Variants in ZC4H2 observed in about 807,000 individuals in gnomAD.
ZC4H2 encodes zinc finger C4H2 domain-containing protein.
For synonymous variants in ZC4H2, 84 were observed against 66.3 expected, an observed-to-expected ratio of 1.27 and a Z score of -1.30; for missense variants, 137 against 173.9, an observed-to-expected ratio of 0.79 and a Z score of 1.19.
At chrX:64,967,497 T>C (rs1931632616) in intron 1 of ZC4H2, among the ~76,000 whole-genome samples, 1 of 112,125 alleles carries the variant, frequency 8.9e-6, no homozygotes, top group African/African-American at 3.2e-5. Context: ...ATAAAATAAC[T>C]GATTGAGATC....
intron 1 of ZC4H2, among the ~76,000 whole-genome samples, chrX:64,969,002 C>A (rs970639242): frequency 9.0e-6 from 1 of 110,989 alleles, no homozygotes; most frequent in East Asian, 2.8e-4. Context: ...CACAGAAGTA[C>A]AAAAAAGGGT....
Position 64,994,179 on chromosome X carries a change from C to T in ZC4H2, c.-272+40450G>A, listed in dbSNP as rs564073573. Reference sequence around the variant, plus strand: ...TTGAGTGATTAGTATAGCCTAGGCACTGTTAAACCTTTACAGGTATTATTA... The same window carrying T: ...TTGAGTGATTAGTATAGCCTAGGCATTGTTAAACCTTTACAGGTATTATTA... On this transcript the variant is annotated intron_variant, in intron 1 of 4. Transcript: ENST00000337990. Among the ~76,000 whole-genome samples, 5 of 111,965 alleles carry T rather than the reference C, an allele frequency of 4.5e-5. No homozygotes were observed. In the South Asian group the frequency reaches 1.9e-3, roughly 42 times the overall value.
chrX:64,996,804 C>G (rs973193025), intron 1 of ZC4H2, among the ~76,000 whole-genome samples: 5 of 110,746 alleles, frequency 4.5e-5, no homozygotes, highest in Non-Finnish European at 9.4e-5. Flanking sequence ...GAACCACAAA[C>G]AGAAGATAAT....
intron 1 of ZC4H2, among the ~76,000 whole-genome samples, chrX:65,010,914 A>G (rs750467092): frequency 3.6e-4 from 40 of 112,131 alleles, no homozygotes; most frequent in Admixed American, 3.3e-3. Context: ...TCAATTATTG[A>G]AAGTAGTATT....
chrX:64,950,607 C>T (rs1356027835), intron 1 of ZC4H2, among the ~76,000 whole-genome samples: 1 of 110,219 alleles, frequency 9.1e-6, no homozygotes, highest in Admixed American at 9.7e-5. Flanking sequence ...ATGAAATGAC[C>T]TTCTTTGTCT....
At chrX:64,954,257 G>A (rs924420910) in intron 1 of ZC4H2, among the ~76,000 whole-genome samples, 2 of 94,389 alleles carry the variant, frequency 2.1e-5, no homozygotes, top group Non-Finnish European at 4.1e-5. Flanking sequence ...TACGTGGCAC[G>A]TGTATACATA....
At chrX:64,983,705 TATATC>T (rs1410087838) in intron 1 of ZC4H2, among the ~76,000 whole-genome samples, 2 of 112,067 alleles carry the variant, frequency 1.8e-5, no homozygotes, top group Non-Finnish European at 3.8e-5. Flanking sequence ...TATCTCAACT[TATATC>T]ATAAACTAGA....
intron 3 of ZC4H2, 34 bp from the exon 4 acceptor site, chrX:64,919,238 T>C (rs1306384458): frequency 8.3e-7 from 1 of 1,199,197 alleles, no homozygotes; most frequent in Non-Finnish European, 1.1e-6. Context: ...TAGATCATTC[T>C]GAAAGCAATG....
At chrX:64,933,733 G>A (rs187572036) in intron 1 of ZC4H2, among the ~76,000 whole-genome samples, 122 of 110,558 alleles carry the variant, frequency 1.1e-3, no homozygotes, top group African/African-American at 3.9e-3. Flanking sequence ...GGTCAGAATG[G>A]CAGGGATCTC....
At chrX:64,918,595 G>A (rs765994895) in intron 4 of ZC4H2, 1 of 115,694 alleles carries the variant, frequency 8.6e-6, no homozygotes, top group South Asian at 3.6e-4. Context: ...TAACTATAAA[G>A]TTACAGTTTT....
intron 1 of ZC4H2, among the ~76,000 whole-genome samples, chrX:65,022,662 CAGAA>C (rs1363481295): frequency 9.0e-6 from 1 of 111,680 alleles, no homozygotes; most frequent in Non-Finnish European, 1.9e-5. Context: ...AACAGACAAA[CAGAA>C]AGCCAAATCA....
At chrX:64,926,271 C>T (rs1929417878) in intron 1 of ZC4H2, among the ~76,000 whole-genome samples, 1 of 111,922 alleles carries the variant, frequency 8.9e-6, no homozygotes, top group East Asian at 2.8e-4. Context: ...TTGGTCTACT[C>T]TTTATTACCA....
At chrX:64,951,371 G>A (rs940799954) in intron 1 of ZC4H2, among the ~76,000 whole-genome samples, 10 of 111,636 alleles carry the variant, frequency 9.0e-5, no homozygotes, top group South Asian at 3.8e-4. Flanking sequence ...CTGAGGAATC[G>A]CCACACTGAC....
rs140190859 is a variant in ZC4H2, at chrX:64,941,379, A to G, written c.54-19391T>C. 3.9e-3 allele frequency among the ~76,000 whole-genome samples: 433 copies of G among 110,915 alleles called. 2 individuals carry two copies. The highest frequency in any genetic ancestry group is 0.014 in the African/African-American group (421 of 30,675). On this transcript the variant is annotated intron_variant, in intron 1 of 4. Coordinates refer to ENST00000374839, the MANE Select transcript of ZC4H2 (RefSeq NM_018684.4). Reference sequence around the variant, plus strand: ...CTTCCTCTCTTCCTATTTGAATACCATTATTTCCTTCTCTTGCCTGATTGC... The same window carrying G: ...CTTCCTCTCTTCCTATTTGAATACCGTTATTTCCTTCTCTTGCCTGATTGC...
At chrX:64,966,139 G>C (rs1349218712) in intron 1 of ZC4H2, among the ~76,000 whole-genome samples, 1 of 110,968 alleles carries the variant, frequency 9.0e-6, no homozygotes, top group East Asian at 2.8e-4. Flanking sequence ...ATGAACAAAA[G>C]GTTTGAATAA....
intron 1 of ZC4H2, among the ~76,000 whole-genome samples, chrX:64,944,151 T>C (rs1930423272): frequency 9.9e-6 from 1 of 101,397 alleles, no homozygotes; most frequent in Admixed American, 1.1e-4. Flanking sequence ...CTTTTTTTTT[T>C]TTTTTTTGAG....
At chrX:64,995,111 T>TAAA (rs372668451) in intron 1 of ZC4H2, among the ~76,000 whole-genome samples, 29 of 84,023 alleles carry the variant, frequency 3.5e-4, no homozygotes, top group African/African-American at 1.3e-3. Context: ...CCCTTGTCAT[T>TAAA]AAAAAAAAAA....
chrX:64,947,134 G>C (rs1285636096), intron 1 of ZC4H2, among the ~76,000 whole-genome samples: 3 of 111,977 alleles, frequency 2.7e-5, no homozygotes, highest in African/African-American at 9.7e-5. Flanking sequence ...AGCGTGTGTA[G>C]ATTTTTCTGG....
intron 1 of ZC4H2, among the ~76,000 whole-genome samples, chrX:65,029,177 G>T (rs908196896): frequency 1.3e-4 from 14 of 111,241 alleles, no homozygotes; most frequent in Admixed American, 1.1e-3. Flanking sequence ...GGAAGGAAAA[G>T]AACAGAGAAT....
Sources: gnomAD v4.1 joint callset for allele counts (sites outside exome capture counted in the v4.1 genomes callset) on GRCh38, gnomAD v4.1.1 for gene constraint, MANE v1.5 for transcripts, NCBI Gene and HGNC (gene_info 2026-07-23, HGNC 2026-07-21) for gene names.